The following DNAH10 variants were observed in gnomAD, a reference collection of about 807,000 sequenced individuals.
The protein encoded by DNAH10 is axonemal beta dynein heavy chain 10.
In DNAH10, 348 loss-of-function variants were observed where a neutral mutation model predicts 506.6. That is an observed-to-expected ratio of 0.69 (90% CI 0.63 to 0.75). The LOEUF (loss-of-function observed/expected upper bound fraction) is 0.75, where lower values mean the gene tolerates loss of function less well. Among genes scored for constraint, DNAH10 ranks in the 30% least tolerant of loss-of-function variants. DNAH10 has a pLI of 0.00. For missense variants in DNAH10, 5,179 were observed against 5,787.1 expected, an observed-to-expected ratio of 0.89 and a Z score of 3.41; for synonymous variants, 2,059 against 2,198.6, an observed-to-expected ratio of 0.94 and a Z score of 1.78.
rs912242569 is a variant in DNAH10, at chr12:123,853,940, G to GCACA, written c.6438+599_6438+602dup. ...TACGCACACGCACGCACACGCACACGCACACACACACACATTTGGGTAGTA... is the reference window on the plus strand; with the variant it reads ...TACGCACACGCACGCACACGCACACGCACACACACACACACACATTTGGGTAGTA... On this transcript the variant is annotated intron_variant, in intron 36 of 78. Coordinates refer to ENST00000673944, the MANE Select transcript of DNAH10 (RefSeq NM_001372106.1). The surrounding 1 kb of genome is among the most constrained non-coding windows in gnomAD (Gnocchi z 4.7). Among the ~76,000 whole-genome samples the GCACA allele has an allele frequency of 6.7e-6, 1 of 149,358 alleles. No individual in the cohort carries two copies. Among genetic ancestry groups the GCACA allele is most frequent in the South Asian group, 2.1e-4 (1 of 4,718 alleles).
intron 39 of DNAH10, 65 bp downstream of exon 39, chr12:123,861,235 A>C: frequency 1.9e-6 from 3 of 1,563,212 alleles, no homozygotes; most frequent in Non-Finnish European, 2.6e-6. Flanking sequence ...AACATTAAAA[A>C]CGGTGGCAGG....
chr12:123,844,576 G>A (rs778524367), intron 30 of DNAH10, among the ~76,000 whole-genome samples: 5 of 152,214 alleles, frequency 3.3e-5, no homozygotes, highest in East Asian at 1.9e-4. Flanking sequence ...ATTCAAAAGC[G>A]TGTTACAACC....
At chr12:123,864,449 C>A in intron 39 of DNAH10, 146 bp from the exon 40 acceptor site, 2 of 1,122,676 alleles carry the variant, frequency 1.8e-6, no homozygotes, top group South Asian at 2.1e-5. Context: ...TCAGTCAAAC[C>A]TCTGGGCCAA....
At chr12:123,773,030 T>C in intron 4 of DNAH10, 88 bp downstream of exon 4, 1 of 905,552 alleles carries the variant, frequency 1.1e-6, no homozygotes, top group South Asian at 1.6e-5. Context: ...TGTCTTTTTA[T>C]GGTTATCTTT....
intron 6 of DNAH10, among the ~76,000 whole-genome samples, chr12:123,781,785 A>G (rs1957662161): frequency 6.6e-6 from 1 of 152,128 alleles, no homozygotes; most frequent in Non-Finnish European, 1.5e-5. Context: ...ATTTTTGAAT[A>G]CATTTTTCTT....
intron 51 of DNAH10, among the ~76,000 whole-genome samples, chr12:123,886,006 G>A (rs866097067): frequency 1.3e-5 from 2 of 151,964 alleles, no homozygotes; most frequent in African/African-American, 2.4e-5. Flanking sequence ...TTTTGTTTGA[G>A]GTATTTGTAA....
chr12:123,796,905 C>G (rs1958298559), intron 13 of DNAH10, 73 bp downstream of exon 13: 1 of 1,399,440 alleles, frequency 7.1e-7, no homozygotes, highest in East Asian at 2.4e-5. Flanking sequence ...GAGTCTCGCT[C>G]TGTCGCCCAG....
intron 9 of DNAH10, among the ~76,000 whole-genome samples, chr12:123,786,208 A>G (rs1957844661): frequency 1.3e-5 from 2 of 151,922 alleles, no homozygotes; most frequent in Non-Finnish European, 2.9e-5. Flanking sequence ...TCCCAGCTTC[A>G]TGGAAGTCTG....
chr12:123,870,460 C>T lies in DNAH10; in HGVS notation c.7614C>T (p.Pro2538=), dbSNP rs367651703. The change falls in exon 44 of 79, where the codon CCC becomes CCT. Residue 2538 remains proline, a synonymous_variant. Coordinates refer to ENST00000673944, the MANE Select transcript of DNAH10 (RefSeq NM_001372106.1). ...SKLVPEYIHA[P]ERKFINILVH... ...TAGTTCCAGAGTATATTCATGCCCC[C>T]GAGAGGAAATTCATCAACATCCTGG... 92 of 1,613,654 alleles carry T rather than the reference C, an allele frequency of 5.7e-5. 1 individual carries two copies. The African/African-American group carries it at 6.0e-4, about 11-fold the overall frequency.
intron 54 of DNAH10, among the ~76,000 whole-genome samples, chr12:123,896,146 CACAGAG>C (rs1257110240): frequency 3.9e-5 from 4 of 102,470 alleles, no homozygotes; most frequent in Admixed American, 9.4e-5. Flanking sequence ...CACACACACA[CACAGAG>C]AGAGAGAGAG....
intron 4 of DNAH10, among the ~76,000 whole-genome samples, 181 bp from the exon 5 acceptor site, chr12:123,773,968 T>C (rs1425395371): frequency 6.6e-6 from 1 of 152,240 alleles, no homozygotes; most frequent in Non-Finnish European, 1.5e-5. Flanking sequence ...TTGGTATCCA[T>C]TTCAGCTTCT....
In DNAH10 at chr12:123,787,909, G is replaced by T; in HGVS notation, c.1527G>T (p.Gly509=). 6.2e-7 allele frequency: 1 copy of T among 1,612,058 alleles called. No individual in the cohort carries two copies. The highest frequency in any genetic ancestry group is 8.5e-7 in the Non-Finnish European group (1 of 1,179,166). Residue 509 remains glycine, a synonymous_variant, in exon 10 of 79, where the codon GGG becomes GGT. Coordinates refer to ENST00000673944, the MANE Select transcript of DNAH10 (RefSeq NM_001372106.1). This position sits in a 1 kb window ranked among gnomAD's most constrained non-coding sequence, Gnocchi z 4.6. ...CCCGGGCCAAGATAGAGGCTTCGGG[G>T]AGGGAAGATCGGTGGGAGTTTGACC... ...FDTRAKIEAS[G]REDRWEFDRK...
intron 31 of DNAH10, 23 bp from the exon 32 acceptor site, chr12:123,845,948 C>T (rs755054206): frequency 6.2e-7 from 1 of 1,613,226 alleles, no homozygotes; most frequent in South Asian, 1.1e-5. Flanking sequence ...GTTTCCACTT[C>T]CTCCACCTTT....
Position 123,881,730 on chromosome 12 carries a change from C to G in DNAH10, c.8740C>G (p.Arg2914Gly). 1 of 1,548,256 alleles carries G rather than the reference C, an allele frequency of 6.5e-7. No homozygotes were observed. Among genetic ancestry groups the G allele is most frequent in the Non-Finnish European group, 8.7e-7 (1 of 1,145,660 alleles). ...GGTGCACCGTATCATCCGCATGGAC[C>G]GCGGCCACGCCCTGCTGGTCGGGGT... is the stretch of plus-strand genomic sequence containing the variant. ...TRVHRIIRMDRGHALLVGVGG... is the reference protein window; with the variant it reads ...TRVHRIIRMDGGHALLVGVGG... The change falls in exon 51 of 79, where the codon CGC becomes GGC. Residue 2914 changes from arginine (R) to glycine (G), a missense_variant. Arg to Gly is a moderately radical substitution (Grantham distance 125). Around this residue, in one of 3 missense-constraint regions of DNAH10, gnomAD observed 4,844 missense variants for 5,430.5 expected, o/e 0.89. Transcript: ENST00000673944.
At chr12:123,856,763 TA>T (rs1031124556) in intron 36 of DNAH10, among the ~76,000 whole-genome samples, 7 of 147,570 alleles carry the variant, frequency 4.7e-5, no homozygotes, top group African/African-American at 9.8e-5. Context: ...TAATATAAAA[TA>T]AAAAATAAAA....
intron 45 of DNAH10, 110 bp downstream of exon 45, chr12:123,871,712 T>C (rs1952044094): frequency 3.0e-6 from 4 of 1,319,800 alleles, no homozygotes; most frequent in South Asian, 1.4e-5. Context: ...GGGTCGAGAA[T>C]GTGGGAGTGA....
At chr12:123,769,750 C>T (rs539528201) in intron 2 of DNAH10, among the ~76,000 whole-genome samples, 11 of 151,774 alleles carry the variant, frequency 7.2e-5, no homozygotes, top group Admixed American at 6.6e-4. Context: ...TAAGTACATT[C>T]ATAAGTGTAT....
chr12:123,825,526 C>T (rs531857773), intron 24 of DNAH10, among the ~76,000 whole-genome samples: 4 of 152,228 alleles, frequency 2.6e-5, no homozygotes, highest in South Asian at 2.1e-4. Context: ...TCATGCTGAG[C>T]GAAAGAAGCC....
rs533427874 is a variant in DNAH10, at chr12:123,808,789, C to T, written c.2988-8C>T. 1 of 1,613,914 alleles carries T rather than the reference C, an allele frequency of 6.2e-7. No individual in the cohort carries two copies. Among genetic ancestry groups the T allele is most frequent in the South Asian group, 1.1e-5 (1 of 91,054 alleles). ...ACACTCTGAGTCTTTCTCATCAACC[C>T]CTCTTAGGAACTTGCAGTCTTTTAA... is the stretch of plus-strand genomic sequence containing the variant. On this transcript the variant is annotated splice_polypyrimidine_tract_variant and splice_region_variant and intron_variant, in intron 18 of 78. Coordinates refer to ENST00000673944, the MANE Select transcript of DNAH10 (RefSeq NM_001372106.1).
Sources: allele counts gnomAD v4.1 joint callset (sites outside exome capture counted in the v4.1 genomes callset), GRCh38; gene constraint gnomAD v4.1.1; regional missense constraint gnomAD v4.1.1; non-coding constraint Gnocchi (gnomAD v3.1); transcripts MANE v1.5; gene names NCBI Gene and HGNC (gene_info 2026-07-23, HGNC 2026-07-21).